WDR70: variants seen among roughly 807,000 people sequenced by gnomAD.
The protein encoded by WDR70 is WD repeat domain 70, also known as WD repeat-containing protein 70.
In WDR70, 53 loss-of-function variants were observed where a neutral mutation model predicts 88.6. That is an observed-to-expected ratio of 0.60 (90% CI 0.48 to 0.75). The LOEUF (loss-of-function observed/expected upper bound fraction) is 0.75, where lower values mean the gene tolerates loss of function less well. WDR70 is among the 30% of genes least tolerant of loss of function. The pLI, the probability that WDR70 is intolerant of heterozygous loss-of-function variation, is 0.00. For missense variants in WDR70, 610 were observed against 823.2 expected, an observed-to-expected ratio of 0.74 and a Z score of 3.17; for synonymous variants, 280 against 270.0, an observed-to-expected ratio of 1.04 and a Z score of -0.36.
chr5:37,539,134 T>G (rs1031511863), intron 9 of WDR70, among the ~76,000 whole-genome samples: 1 of 152,224 alleles, frequency 6.6e-6, no homozygotes, highest in Non-Finnish European at 1.5e-5. Context: ...TTACAACTGC[T>G]TTCGCCTCCA....
At chr5:37,649,733 C>CTTCTT (rs1384336784) in intron 10 of WDR70, among the ~76,000 whole-genome samples, 2,255 of 69,008 alleles carry the variant, frequency 0.033, 137 homozygotes, top group South Asian at 0.079. Context: ...GTTATTACTT[C>CTTCTT]TTTTTTTTTT....
At chr5:37,513,357 C>G (rs1740780522) in intron 8 of WDR70, among the ~76,000 whole-genome samples, 1 of 152,000 alleles carries the variant, frequency 6.6e-6, no homozygotes, top group African/African-American at 2.4e-5. Flanking sequence ...AAAGAGCTTT[C>G]CAGCGTAGGG....
At chr5:37,497,895 C>T (rs1232944080) in intron 8 of WDR70, among the ~76,000 whole-genome samples, 4 of 152,084 alleles carry the variant, frequency 2.6e-5, no homozygotes, top group Non-Finnish European at 5.9e-5. Context: ...AATCTTGGCT[C>T]ACTGCAATCT....
At chr5:37,646,172 T>C (rs1745234249) in intron 10 of WDR70, among the ~76,000 whole-genome samples, 1 of 152,132 alleles carries the variant, frequency 6.6e-6, no homozygotes, top group Non-Finnish European at 1.5e-5. Flanking sequence ...TTGCAAATAC[T>C]GTGACATTTA....
chr5:37,614,603 C>T (rs1744278963), intron 10 of WDR70, among the ~76,000 whole-genome samples: 2 of 152,064 alleles, frequency 1.3e-5, no homozygotes, highest in Non-Finnish European at 2.9e-5. Flanking sequence ...TTATAACAGC[C>T]TTGCTCATTC....
intron 9 of WDR70, among the ~76,000 whole-genome samples, chr5:37,573,687 A>C (rs868461430): frequency 6.6e-6 from 1 of 151,942 alleles, no homozygotes; most frequent in African/African-American, 2.4e-5. Flanking sequence ...TCCCACAGCA[A>C]AAGTTCCAAA....
At chr5:37,701,529 C>T (rs1747161861) in intron 12 of WDR70, among the ~76,000 whole-genome samples, 1 of 152,066 alleles carries the variant, frequency 6.6e-6, no homozygotes, top group Non-Finnish European at 1.5e-5. Flanking sequence ...GTGGCTCATG[C>T]CTGTAATCCC....
chr5:37,523,398 A>G (rs944897819), intron 9 of WDR70, among the ~76,000 whole-genome samples: 3 of 152,254 alleles, frequency 2.0e-5, no homozygotes, highest in African/African-American at 7.2e-5. Flanking sequence ...AGTAAACTCC[A>G]ATAGACCTGC....
At chr5:37,687,937 A>C in intron 10 of WDR70, 1 of 695,042 alleles carries the variant, frequency 1.4e-6, no homozygotes, top group Admixed American at 2.0e-5. Context: ...GTCATATGGA[A>C]CTGTCTGCAT....
intron 9 of WDR70, among the ~76,000 whole-genome samples, chr5:37,560,635 G>A (rs1742473976): frequency 6.6e-6 from 1 of 151,826 alleles, no homozygotes; most frequent in Non-Finnish European, 1.5e-5. Context: ...AATTATAAAT[G>A]AGCCTATCTA....
chr5:37,703,615 A>C (rs1309289195), intron 13 of WDR70, among the ~76,000 whole-genome samples: 1 of 152,216 alleles, frequency 6.6e-6, no homozygotes, highest in Admixed American at 6.5e-5. Context: ...ACCTTAAAAA[A>C]ACACATTAGT....
In WDR70 at chr5:37,513,517, G is replaced by A. The variant is rs1740786240; in HGVS notation, c.841-2997G>A. Reference sequence around the variant, plus strand: ...GGAGCCAGAAAATAAAATTCGTTGTGGACTGTGTATATTAGGGTTCCCTAG... The same window carrying A: ...GGAGCCAGAAAATAAAATTCGTTGTAGACTGTGTATATTAGGGTTCCCTAG... On this transcript the variant is annotated intron_variant, in intron 8 of 17. Coordinates refer to ENST00000265107, the MANE Select transcript of WDR70 (RefSeq NM_018034.4). 2.6e-5 allele frequency among the ~76,000 whole-genome samples: 4 copies of A among 152,248 alleles called. No homozygotes were observed. The South Asian group carries it at 8.3e-4, about 32-fold the overall frequency.
At chr5:37,559,129 T>A (rs1742407349) in intron 9 of WDR70, among the ~76,000 whole-genome samples, 1 of 152,066 alleles carries the variant, frequency 6.6e-6, no homozygotes, top group Admixed American at 6.6e-5. Flanking sequence ...AGACAGGGTT[T>A]CATTGTGTTG....
chr5:37,582,163 C>T (rs1024318557), intron 9 of WDR70, among the ~76,000 whole-genome samples: 2 of 152,020 alleles, frequency 1.3e-5, no homozygotes, highest in Non-Finnish European at 2.9e-5. Context: ...TAGAATGGGT[C>T]ATTTTTAGAA....
chr5:37,383,459 G>A (rs1393996559), intron 3 of WDR70, among the ~76,000 whole-genome samples: 12 of 151,616 alleles, frequency 7.9e-5, no homozygotes, highest in African/African-American at 2.7e-4. Flanking sequence ...ACGGGGTTTC[G>A]CCATGTTGGC....
chr5:37,664,523 A>C (rs375467087), intron 10 of WDR70, among the ~76,000 whole-genome samples: 1 of 152,234 alleles, frequency 6.6e-6, no homozygotes, highest in East Asian at 1.9e-4. Context: ...CATCCTCACC[A>C]GGCTTTACCT....
At chr5:37,536,334 TA>T (rs1229821418) in intron 9 of WDR70, among the ~76,000 whole-genome samples, 4 of 152,198 alleles carry the variant, frequency 2.6e-5, no homozygotes, top group Admixed American at 1.3e-4. Context: ...TGTTTTAAAA[TA>T]TTTTTTTCTT....
At chr5:37,671,324 C>T (rs193089296) in intron 10 of WDR70, among the ~76,000 whole-genome samples, 23 of 152,130 alleles carry the variant, frequency 1.5e-4, no homozygotes, top group African/African-American at 4.8e-5. Flanking sequence ...AGAAGAGGTA[C>T]GCATGATAGA....
chr5:37,645,352 T>A (rs990158089), intron 10 of WDR70, among the ~76,000 whole-genome samples: 1 of 152,074 alleles, frequency 6.6e-6, no homozygotes, highest in South Asian at 2.1e-4. Flanking sequence ...TCAGAGAAGA[T>A]GTATGATATT....
Sources: gnomAD v4.1 joint callset for allele counts (sites outside exome capture counted in the v4.1 genomes callset) on GRCh38, gnomAD v4.1.1 for gene constraint, MANE v1.5 for transcripts, NCBI Gene and HGNC (gene_info 2026-07-23, HGNC 2026-07-21) for gene names.